DOCK1: variants seen among roughly 807,000 people sequenced by gnomAD.
DOCK1 encodes the protein dedicator of cytokinesis 1, also known as dedicator of cytokinesis protein 1.
DOCK1 carries 138 observed loss-of-function variants against 262.7 expected under a neutral mutation model. That is an observed-to-expected ratio of 0.53 (90% confidence interval 0.46 to 0.61). DOCK1 has a LOEUF of 0.61. DOCK1 is among the 20% of genes least tolerant of loss of function. DOCK1 has a pLI of 0.00. For missense variants in DOCK1, 1,908 were observed against 2,370.7 expected (o/e 0.80, Z 4.05); for synonymous variants, 866 against 867.4 (o/e 1.00, Z 0.03).
chr10:127,365,403 A>G lies in DOCK1; in HGVS notation c.3432+3191A>G, dbSNP rs112651456. Among the ~76,000 whole-genome samples, 793 of 152,352 alleles carry G rather than the reference A, an allele frequency of 5.2e-3. 9 individuals carry two copies. The highest frequency in any genetic ancestry group is 0.017 in the African/African-American group (721 of 41,592). The stretch of plus-strand genomic sequence containing the variant: ...GCTGCTGGCACTATATCATGGCCCC[A>G]GTTTCACTGCCAACTCATTGGAACT... On this transcript the variant is annotated intron_variant, in intron 33 of 51. Coordinates refer to ENST00000623213, the MANE Select transcript of DOCK1 (RefSeq NM_001290223.2).
At position 127,357,375 on chromosome 10, in the gene DOCK1, G is replaced by A. The variant is rs962828922; in HGVS notation, c.3283+2648G>A. ...TGATAACAATGAAGGAAGGAAAGGC[G>A]GGCCCAGAAAGGGTGAGTTTCTCCG... On this transcript the variant is annotated intron_variant, in intron 32 of 51. Transcript: ENST00000623213. 3.7e-4 allele frequency among the ~76,000 whole-genome samples: 56 copies of A among 152,194 alleles called. 1 individual carries two copies. The highest frequency in any genetic ancestry group is 3.6e-3 in the Admixed American group (55 of 15,284).
At chr10:127,216,535 A>G (rs1003212204) in intron 27 of DOCK1, among the ~76,000 whole-genome samples, 4 of 152,072 alleles carry the variant, frequency 2.6e-5, no homozygotes, top group Admixed American at 6.6e-5. Context: ...CCTTACAGCC[A>G]TTGGGCTGGG....
intron 21 of DOCK1, among the ~76,000 whole-genome samples, chr10:127,047,281 C>CGGA (rs2044413038): frequency 6.6e-6 from 1 of 152,080 alleles, no homozygotes; most frequent in African/African-American, 2.4e-5. Flanking sequence ...TCACTACTGC[C>CGGA]TCTATCATTT....
At chr10:127,378,476 C>G (rs117753155) in intron 35 of DOCK1, among the ~76,000 whole-genome samples, 2 of 151,976 alleles carry the variant, frequency 1.3e-5, no homozygotes, top group African/African-American at 2.4e-5. Flanking sequence ...TGAACCTTTA[C>G]GTAAGAAACA....
intron 29 of DOCK1, among the ~76,000 whole-genome samples, chr10:127,336,688 C>A (rs546259366): frequency 6.6e-6 from 1 of 152,008 alleles, no homozygotes; most frequent in East Asian, 1.9e-4. Flanking sequence ...TGCAGGTGCC[C>A]GCCACCACAC....
At chr10:127,218,877 C>G (rs187064091) in intron 27 of DOCK1, among the ~76,000 whole-genome samples, 86 of 152,282 alleles carry the variant, frequency 5.6e-4, no homozygotes, top group African/African-American at 2.0e-3. Context: ...GAGGTCTGCT[C>G]TCTACTTCCA....
chr10:127,153,775 G>A, intron 27 of DOCK1: 1 of 1,143,938 alleles, frequency 8.7e-7, no homozygotes, highest in Non-Finnish European at 1.3e-6. Flanking sequence ...CATGGCCCCA[G>A]ATCGTTCTTG....
At chr10:126,905,645 C>T (rs1432266679) in intron 1 of DOCK1, 82 bp downstream of exon 1, 1 of 215,162 alleles carries the variant, frequency 4.6e-6, no homozygotes, top group Non-Finnish European at 9.0e-6. Flanking sequence ...CTGTTGCCGC[C>T]GCCCCGAGCG....
intron 23 of DOCK1, among the ~76,000 whole-genome samples, chr10:127,066,203 C>T (rs1591874152): frequency 6.6e-6 from 1 of 152,092 alleles, no homozygotes; most frequent in Non-Finnish European, 1.5e-5. Context: ...TGCTGTTCCT[C>T]CCAGGTGCCC....
intron 10 of DOCK1, among the ~76,000 whole-genome samples, chr10:127,004,769 G>GC (rs1285670669): frequency 7.7e-4 from 11 of 14,300 alleles, no homozygotes; most frequent in East Asian, 6.1e-3. Context: ...CCCCTGCCCC[G>GC]CCACCCCCCC....
chr10:127,109,625 A>G (rs1201748702), intron 24 of DOCK1, among the ~76,000 whole-genome samples: 1 of 152,206 alleles, frequency 6.6e-6, no homozygotes, highest in Non-Finnish European at 1.5e-5. Flanking sequence ...AGCTGGAATC[A>G]TACAACGTGT....
chr10:127,305,224 A>AATT (rs1485105942), intron 29 of DOCK1, among the ~76,000 whole-genome samples: 1 of 151,918 alleles, frequency 6.6e-6, no homozygotes, highest in African/African-American at 2.4e-5. Context: ...TTCTCATGTC[A>AATT]CATTTATTTG....
chr10:127,143,821 A>G (rs1437267390), intron 27 of DOCK1, among the ~76,000 whole-genome samples: 1 of 152,112 alleles, frequency 6.6e-6, no homozygotes, highest in Non-Finnish European at 1.5e-5. Context: ...GCAATAGAAG[A>G]ACCAGGACCC....
At chr10:126,994,430 C>A (rs933660547) in intron 6 of DOCK1, among the ~76,000 whole-genome samples, 1 of 152,116 alleles carries the variant, frequency 6.6e-6, no homozygotes, top group Non-Finnish European at 1.5e-5. Context: ...AACATGTGAA[C>A]AAAGGTCTCT....
At chr10:126,975,229 A>G (rs754315061) in intron 2 of DOCK1, among the ~76,000 whole-genome samples, 1 of 152,076 alleles carries the variant, frequency 6.6e-6, no homozygotes, top group Non-Finnish European at 1.5e-5. Context: ...ATGTTTTACT[A>G]ACTGCCTGCC....
intron 3 of DOCK1, among the ~76,000 whole-genome samples, chr10:126,980,987 G>A (rs965047102): frequency 1.7e-4 from 24 of 143,702 alleles, no homozygotes; most frequent in Non-Finnish European, 3.3e-4. Flanking sequence ...TCGCTCTGTC[G>A]CCCAGGCTGG....
chr10:127,218,204 C>T (rs1284833068), intron 27 of DOCK1, among the ~76,000 whole-genome samples: 1 of 152,150 alleles, frequency 6.6e-6, no homozygotes, highest in African/African-American at 2.4e-5. Flanking sequence ...TATAATTTGA[C>T]CTAATATGCA....
chr10:127,116,530 T>C (rs2049189977), intron 25 of DOCK1, among the ~76,000 whole-genome samples: 2 of 152,140 alleles, frequency 1.3e-5, no homozygotes, highest in South Asian at 4.2e-4. Flanking sequence ...GATAGAAATT[T>C]ATATCTCAAA....
chr10:126,930,976 C>T (rs996369650), intron 1 of DOCK1, among the ~76,000 whole-genome samples: 1 of 152,114 alleles, frequency 6.6e-6, no homozygotes, highest in Admixed American at 6.5e-5. Flanking sequence ...TGCAAGGGCC[C>T]ATCTCCCCTG....
Sources: allele counts gnomAD v4.1 joint callset (sites outside exome capture counted in the v4.1 genomes callset), GRCh38; gene constraint gnomAD v4.1.1; transcripts MANE v1.5; gene names NCBI Gene and HGNC (gene_info 2026-07-23, HGNC 2026-07-21).